KCNIP4: variants seen among roughly 807,000 people sequenced by gnomAD.
KCNIP4 encodes potassium voltage-gated channel interacting protein 4, also known as Kv channel-interacting protein 4.
In KCNIP4, 12 loss-of-function variants were observed where a neutral mutation model predicts 34.0. The ratio of observed to expected loss-of-function variants is 0.35; its 90% CI spans 0.23 to 0.57. The LOEUF (loss-of-function observed/expected upper bound fraction) is 0.57. Among genes scored for constraint, KCNIP4 ranks in the 20% least tolerant of loss-of-function variants. KCNIP4 has a pLI of 0.83. For missense variants in KCNIP4, 238 were observed against 311.7 expected (o/e 0.76, Z 1.78); for synonymous variants, 124 against 102.2 (o/e 1.21, Z -1.29).
intron 1 of KCNIP4, among the ~76,000 whole-genome samples, chr4:21,477,383 A>G (rs1731075095): frequency 6.6e-6 from 1 of 152,026 alleles, no homozygotes; most frequent in South Asian, 2.1e-4. Context: ...AAAATATTAA[A>G]CCCAAGGACC....
intron 1 of KCNIP4, among the ~76,000 whole-genome samples, chr4:21,130,258 A>T (rs894350965): frequency 6.6e-6 from 1 of 152,194 alleles, no homozygotes; most frequent in Non-Finnish European, 1.5e-5. Context: ...AGTCTTAATC[A>T]GTTGCTTGAG....
At chr4:21,611,147 C>G (rs1744126806) in intron 1 of KCNIP4, among the ~76,000 whole-genome samples, 1 of 152,172 alleles carries the variant, frequency 6.6e-6, no homozygotes, top group Non-Finnish European at 1.5e-5. Context: ...AGGACATGAA[C>G]TCATCCTTTT....
intron 1 of KCNIP4, among the ~76,000 whole-genome samples, chr4:21,766,598 G>A (rs1274402301): frequency 6.6e-6 from 1 of 152,070 alleles, no homozygotes; most frequent in African/African-American, 2.4e-5. Context: ...ATTTCTCATA[G>A]TTTAAAAAGT....
In KCNIP4 at chr4:21,807,328, T is replaced by G. The variant is rs567658657; in HGVS notation, c.61+141243A>C. ...CCATGGCCTGAGGGTTGGGGACCCC[T>G]GCATTAAAAGTCCAATTCTGTCCTG... On this transcript the variant is annotated intron_variant, in intron 1 of 8. Coordinates refer to ENST00000382152, the MANE Select transcript of KCNIP4 (RefSeq NM_025221.6). 5.9e-5 allele frequency among the ~76,000 whole-genome samples: 9 copies of G among 152,286 alleles called. No homozygotes were observed. The East Asian group carries it at 1.7e-3, about 29-fold the overall frequency.
chr4:21,703,303 T>C (rs1713011538), intron 1 of KCNIP4, among the ~76,000 whole-genome samples: 1 of 152,034 alleles, frequency 6.6e-6, no homozygotes, highest in Admixed American at 6.6e-5. Flanking sequence ...AAGAAATAAA[T>C]AAAATCTTTC....
chr4:20,980,697 T>C lies in KCNIP4; in HGVS notation c.62-97988A>G, dbSNP rs1272061307. ...AAATCACACTGGAGAAAATATTCCA[T>C]GATGGTACCATTGAGGTATCACTGC... On this transcript the variant is annotated intron_variant, in intron 1 of 8. Coordinates refer to ENST00000382152, the MANE Select transcript of KCNIP4 (RefSeq NM_025221.6). Among the ~76,000 whole-genome samples, 6 of 152,082 alleles carry C rather than the reference T, an allele frequency of 3.9e-5. No individual in the cohort carries two copies. In the South Asian group the frequency reaches 6.2e-4, roughly 16 times the overall value.
chr4:21,258,671 A>G (rs528193885), intron 1 of KCNIP4, among the ~76,000 whole-genome samples: 25 of 152,114 alleles, frequency 1.6e-4, no homozygotes, highest in Non-Finnish European at 3.1e-4. Context: ...TCTGTTTTGA[A>G]TTACTTGAAG....
At chr4:21,695,302 T>G (rs1190832353) in intron 1 of KCNIP4, among the ~76,000 whole-genome samples, 5 of 152,114 alleles carry the variant, frequency 3.3e-5, no homozygotes, top group Admixed American at 2.6e-4. Context: ...TATTAGAGAC[T>G]GAGCCGAAAA....
chr4:21,715,780 T>C (rs1381887474), intron 1 of KCNIP4, among the ~76,000 whole-genome samples: 2 of 152,208 alleles, frequency 1.3e-5, no homozygotes, highest in African/African-American at 4.8e-5. Context: ...AAAAAAGTTA[T>C]TTTTTCTAAA....
intron 3 of KCNIP4, among the ~76,000 whole-genome samples, chr4:20,762,957 GA>G (rs61132879): frequency 0.71 from 107,575 of 151,982 alleles, 38,817 homozygotes; most frequent in East Asian, 0.83. Context: ...AAGGCAGCAA[GA>G]AAGGAGAAGT....
intron 1 of KCNIP4, among the ~76,000 whole-genome samples, chr4:21,626,873 T>G (rs1745374745): frequency 6.6e-6 from 1 of 151,896 alleles, no homozygotes; most frequent in Admixed American, 6.6e-5. Flanking sequence ...CCATTTTTTT[T>G]TTCCCCAGGC....
rs1220214746 is a variant in KCNIP4 at position 21,234,475 on chromosome 4, AGT to A, written c.62-351768_62-351767del. 3.7e-5 allele frequency among the ~76,000 whole-genome samples: 4 copies of A among 107,614 alleles called. 1 individual carries two copies. The highest frequency in any genetic ancestry group is 1.6e-4 in the African/African-American group (4 of 25,598). 70.6% of individuals were successfully genotyped at this position (107,614 alleles called of 152,430 possible). ...ATTACATATAACGTATATAATATAT[AGT>A]ACATATAACGTATATAATATATATT... On this transcript the variant is annotated intron_variant, in intron 1 of 8. Transcript: ENST00000382152.
intron 1 of KCNIP4, among the ~76,000 whole-genome samples, chr4:21,394,114 G>A (rs773361963): frequency 2.6e-5 from 4 of 152,084 alleles, no homozygotes; most frequent in Non-Finnish European, 5.9e-5. Context: ...TGAACCTATA[G>A]AATGTTTCAG....
rs560098934 is a variant in KCNIP4 at position 21,482,063 on chromosome 4, A to C, written c.61+466508T>G. 6.3e-3 allele frequency among the ~76,000 whole-genome samples: 964 copies of C among 152,008 alleles called. 7 individuals carry two copies. The highest frequency in any genetic ancestry group is 0.022 in the African/African-American group (896 of 41,434). ...CGAATTGATCCCTTTACCATTATGT[A>C]ATGGCCTTCTTTGTCTCTTTTGATC... On this transcript the variant is annotated intron_variant, in intron 1 of 8. Coordinates refer to ENST00000382152, the MANE Select transcript of KCNIP4 (RefSeq NM_025221.6).
At chr4:21,523,866 C>T (rs192492120) in intron 1 of KCNIP4, among the ~76,000 whole-genome samples, 1 of 152,082 alleles carries the variant, frequency 6.6e-6, no homozygotes, top group South Asian at 2.1e-4. Context: ...AGCCACTGTG[C>T]CTGGACTTTT....
At chr4:21,513,719 A>T (rs1024954519) in intron 1 of KCNIP4, among the ~76,000 whole-genome samples, 5 of 152,188 alleles carry the variant, frequency 3.3e-5, no homozygotes, top group Non-Finnish European at 7.3e-5. Flanking sequence ...TCTTCCTCTT[A>T]ATCATTCTCT....
In KCNIP4 at chr4:21,605,662, G is replaced by A. The variant is rs562656697; in HGVS notation, c.61+342909C>T. 8.2e-4 allele frequency among the ~76,000 whole-genome samples: 125 copies of A among 152,138 alleles called. 1 individual carries two copies. The highest frequency in any genetic ancestry group is 3.4e-3 in the Middle Eastern group (1 of 294). On this transcript the variant is annotated intron_variant, in intron 1 of 8. Transcript: ENST00000382152. ...CACCCAGCTAATTTTTGTATTTTTA[G>A]TAGAGATGGGGTTTCACCATGTTGG...
intron 1 of KCNIP4, among the ~76,000 whole-genome samples, chr4:21,921,871 G>A (rs766722661): frequency 1.3e-5 from 2 of 152,078 alleles, no homozygotes; most frequent in Non-Finnish European, 2.9e-5. Flanking sequence ...TTTTAAAAAT[G>A]TAAATTATAT....
At chr4:21,202,545 T>C (rs1756566365) in intron 1 of KCNIP4, among the ~76,000 whole-genome samples, 1 of 152,124 alleles carries the variant, frequency 6.6e-6, no homozygotes, top group Admixed American at 6.5e-5. Flanking sequence ...AATATACCTT[T>C]GTAACAAACT....
Sources: allele counts gnomAD v4.1 joint callset (sites outside exome capture counted in the v4.1 genomes callset), GRCh38; gene constraint gnomAD v4.1.1; transcripts MANE v1.5; gene names NCBI Gene and HGNC (gene_info 2026-07-23, HGNC 2026-07-21).